The following ZNF547 variants were observed in gnomAD, a reference collection of about 807,000 sequenced individuals.
The protein encoded by ZNF547 is zinc finger protein 547.
ZNF547 carries 4 observed loss-of-function variants against 7.7 expected under a neutral mutation model. The ratio of observed to expected loss-of-function variants is 0.52; its 90% CI spans 0.26 to 1.20. The LOEUF (loss-of-function observed/expected upper bound fraction) is 1.20, where lower values mean the gene tolerates loss of function less well. Among genes scored for constraint, ZNF547 ranks in the 50% most tolerant of loss-of-function variants. ZNF547 has a pLI of 0.14. For missense variants in ZNF547, 449 were observed against 485.8 expected, an observed-to-expected ratio of 0.92 and a Z score of 0.71; for synonymous variants, 166 against 166.2, an observed-to-expected ratio of 1.00 and a Z score of 0.01.
In ZNF547 at chr19:57,369,111, G is replaced by A. The variant is rs78373624; in HGVS notation, c.24+532G>A. Reference sequence around the variant, plus strand: ...CCTAGCTTAAGGAACTTTCTTTGGCGTCTGAGTGGAGGACAGACTGTGGAG... The same window carrying A: ...CCTAGCTTAAGGAACTTTCTTTGGCATCTGAGTGGAGGACAGACTGTGGAG... On this transcript the variant is annotated intron_variant, in intron 2 of 3. Coordinates refer to ENST00000282282, the MANE Select transcript of ZNF547 (RefSeq NM_173631.4). 3.1e-3 allele frequency among the ~76,000 whole-genome samples: 467 copies of A among 152,218 alleles called. 4 individuals carry two copies. The highest frequency in any genetic ancestry group is 0.011 in the African/African-American group (444 of 41,532).
chr19:57,365,332 A>T, intron 1 of ZNF547: 1 of 1,000,292 alleles, frequency 1.0e-6, no homozygotes, highest in South Asian at 1.5e-5. Flanking sequence ...AAATTACTTG[A>T]TTAAATAGCC....
intron 3 of ZNF547, 48 bp from the exon 4 acceptor site, chr19:57,377,080 C>A (rs372467148): frequency 6.5e-7 from 1 of 1,539,976 alleles, no homozygotes; most frequent in Non-Finnish European, 8.8e-7. Flanking sequence ...GGGTTGCCTC[C>A]GCTCATCACA....
At chr19:57,364,447 A>G (rs1461233979) in intron 1 of ZNF547, 2 of 198,514 alleles carry the variant, frequency 1.0e-5, no homozygotes, top group African/African-American at 2.4e-5. Context: ...AGATTCTTCA[A>G]AAGAATAGAG....
chr19:57,365,241 A>G (rs1394881838), intron 1 of ZNF547: 2 of 1,568,800 alleles, frequency 1.3e-6, no homozygotes, highest in East Asian at 2.3e-5. Context: ...TTGGGAAGAA[A>G]CACCTTTTAA....
At chr19:57,371,453 A>C (rs2088503887) in intron 2 of ZNF547, among the ~76,000 whole-genome samples, 1 of 152,230 alleles carries the variant, frequency 6.6e-6, no homozygotes, top group African/African-American at 2.4e-5. Flanking sequence ...TGGGGTTTCC[A>C]AGGGAAACAA....
At position 57,368,594 on chromosome 19, in the gene ZNF547, T is replaced by A; in HGVS notation, c.24+15T>A. 6.2e-7 allele frequency: 1 copy of A among 1,613,958 alleles called. No homozygotes were observed. Among genetic ancestry groups the A allele is most frequent in the African/African-American group, 1.3e-5 (1 of 75,034 alleles). ...ACCCTGCACAGGTGAGTGGAGTGTT[T>A]TCTACCTTTCACCTACCAGTTATCT... On this transcript the variant is annotated intron_variant, in intron 2 of 3. Transcript: ENST00000282282.
chr19:57,368,719 C>G (rs2088486531), intron 2 of ZNF547, 140 bp downstream of exon 2: 1 of 795,218 alleles, frequency 1.3e-6, no homozygotes, highest in African/African-American at 1.7e-5. Context: ...AGTGATTCCA[C>G]CAGTTCTAGT....
At chr19:57,366,966 A>C (rs1225376302) in intron 1 of ZNF547, among the ~76,000 whole-genome samples, 2 of 152,246 alleles carry the variant, frequency 1.3e-5, no homozygotes, top group Non-Finnish European at 2.9e-5. Context: ...TCTTGCTATA[A>C]TGTGAGAACC....
chr19:57,365,524 T>C (rs1295540700), intron 1 of ZNF547, among the ~76,000 whole-genome samples: 1 of 151,598 alleles, frequency 6.6e-6, no homozygotes, highest in Non-Finnish European at 1.5e-5. Context: ...TTTTTTTTTT[T>C]TGAGACGGAG....
rs1422772054 is a variant in ZNF547 at position 57,377,309 on chromosome 19, G to A, written c.333G>A (p.Glu111=). 5 of 1,614,184 alleles carry A rather than the reference G, an allele frequency of 3.1e-6. No individual in the cohort carries two copies. Among genetic ancestry groups the A allele is most frequent in the Non-Finnish European group, 2.5e-6 (3 of 1,180,034 alleles). Residue 111 remains glutamate (E), a synonymous_variant, in exon 4 of 4, where the codon GAG becomes GAA. Transcript: ENST00000282282. ...CTGAGCATGACGGAACACACCCCGA[G>A]CAGGGACTGTACACGTGTCCAGCAC... The part of the protein sequence containing the change: ...RLAEHDGTHP[E]QGLYTCPAHL...
intron 2 of ZNF547, among the ~76,000 whole-genome samples, chr19:57,370,664 T>A (rs549687133): frequency 2.7e-4 from 41 of 152,254 alleles, no homozygotes; most frequent in Non-Finnish European, 4.6e-4. Context: ...AGTTTGGTTG[T>A]CTTGGGAGGC....
chr19:57,368,201 A>G (rs2088482074), intron 1 of ZNF547: 1 of 203,298 alleles, frequency 4.9e-6, no homozygotes, highest in Non-Finnish European at 9.8e-6. Context: ...AAATTCTACT[A>G]CATCATTTAT....
intron 3 of ZNF547, among the ~76,000 whole-genome samples, chr19:57,373,892 T>C (rs906502235): frequency 6.6e-6 from 1 of 151,988 alleles, no homozygotes; most frequent in African/African-American, 2.4e-5. Flanking sequence ...TGGCATTGAG[T>C]GTCTCTGGCT....
chr19:57,372,289 G>A (rs1423616001), intron 3 of ZNF547, among the ~76,000 whole-genome samples: 3 of 152,168 alleles, frequency 2.0e-5, no homozygotes, highest in African/African-American at 7.2e-5. Context: ...CACTAATTTG[G>A]TGAACCACTG....
At chr19:57,364,589 A>G (rs1194026573) in intron 1 of ZNF547, 1 of 560,216 alleles carries the variant, frequency 1.8e-6, no homozygotes, top group African/African-American at 1.9e-5. Flanking sequence ...AAAAATACAA[A>G]AATTAGCCGG....
At chr19:57,364,003 A>G (rs932807452) in intron 1 of ZNF547, 1 of 152,334 alleles carries the variant, frequency 6.6e-6, no homozygotes, top group Non-Finnish European at 1.5e-5. Flanking sequence ...AGCAGCCGGT[A>G]TAACCATGGA....
rs1400325201 is a variant in ZNF547, at chr19:57,377,669, G to T, written c.693G>T (p.Gln231His). 6.2e-7 allele frequency: 1 copy of T among 1,612,242 alleles called. No individual in the cohort carries two copies. The highest frequency in any genetic ancestry group is 8.5e-7 in the Non-Finnish European group (1 of 1,178,610). The change falls in exon 4 of 4, where the codon CAG (glutamine) becomes CAT (histidine). Residue 231 changes from glutamine to histidine, a missense_variant. Gln to His is a conservative substitution (Grantham distance 24). Coordinates refer to ENST00000282282, the MANE Select transcript of ZNF547 (RefSeq NM_173631.4). ...GTAAGTCTCACCTTGTTCGTCACCAGACAATCCACTCTGGAGAAAGGCCTT... is the reference window on the plus strand; with the variant it reads ...GTAAGTCTCACCTTGTTCGTCACCATACAATCCACTCTGGAGAAAGGCCTT... ...FLCKSHLVRH[Q>H]TIHSGERPYE...
At chr19:57,368,902 A>T (rs1415454420) in intron 2 of ZNF547, among the ~76,000 whole-genome samples, 1 of 152,108 alleles carries the variant, frequency 6.6e-6, no homozygotes, top group Non-Finnish European at 1.5e-5. Context: ...TAGAGGAGAG[A>T]CTGAACTGGA....
At chr19:57,372,824 T>G (rs1448337566) in intron 3 of ZNF547, among the ~76,000 whole-genome samples, 1 of 152,122 alleles carries the variant, frequency 6.6e-6, no homozygotes, top group African/African-American at 2.4e-5. Context: ...TCTGTCACAA[T>G]CAGATCTCTC....
Sources: gnomAD v4.1 joint callset for allele counts (sites outside exome capture counted in the v4.1 genomes callset) on GRCh38, gnomAD v4.1.1 for gene constraint, MANE v1.5 for transcripts, NCBI Gene and HGNC (gene_info 2026-07-23, HGNC 2026-07-21) for gene names.